STK4: variants seen among roughly 807,000 people sequenced by gnomAD.
STK4 encodes the protein serine/threonine-protein kinase 4.
A neutral mutation model predicts 64.9 loss-of-function variants in STK4; 30 were observed. That is an observed-to-expected ratio of 0.46 (90% CI 0.35 to 0.63). The LOEUF is 0.63. Ranked by LOEUF, STK4 falls within the 20% of genes least tolerant of loss-of-function variation. The pLI is 0.01. For synonymous variants in STK4, 177 were observed against 199.0 expected (o/e 0.89, Z 0.93); for missense variants, 466 against 598.5 (o/e 0.78, Z 2.31).
intron 10 of STK4, among the ~76,000 whole-genome samples, chr20:45,046,769 C>T (rs985707579): frequency 9.2e-5 from 14 of 152,090 alleles, no homozygotes; most frequent in Admixed American, 3.3e-4. Flanking sequence ...GCAACCTCCG[C>T]CTCCTGGATT....
intron 2 of STK4, chr20:44,975,206 G>A (rs1346138577): frequency 4.5e-6 from 1 of 221,894 alleles, no homozygotes; most frequent in African/African-American, 2.4e-5. Context: ...TCCATTCTCT[G>A]CTGTCAGTTG....
rs139310380 is a variant in STK4 at position 44,995,230 on chromosome 20, C to G, written c.666C>G (p.Pro222=). The change falls in exon 6 of 11, where the codon CCC becomes CCG. Residue 222 remains proline, a synonymous_variant. Coordinates refer to ENST00000372806, the MANE Select transcript of STK4 (RefSeq NM_006282.5). ...ITAIEMAEGK[P]PYADIHPMRA... The stretch of plus-strand genomic sequence containing the variant: ...CCATAGAAATGGCTGAAGGAAAGCC[C>G]CCTTATGCTGATATCCATCCAATGA... The G allele has an allele frequency of 1.2e-6, 2 of 1,613,082 alleles. No homozygotes were observed. The highest frequency in any genetic ancestry group is 2.7e-5 in the African/African-American group (2 of 74,788).
intron 5 of STK4, among the ~76,000 whole-genome samples, chr20:44,991,415 T>C (rs1191350815): frequency 6.6e-6 from 1 of 152,248 alleles, no homozygotes; most frequent in Non-Finnish European, 1.5e-5. Flanking sequence ...GAATGTATAT[T>C]GGCAAAGTGC....
At chr20:45,039,331 C>G (rs1321407936) in intron 10 of STK4, among the ~76,000 whole-genome samples, 1 of 152,058 alleles carries the variant, frequency 6.6e-6, no homozygotes, top group African/African-American at 2.4e-5. Flanking sequence ...AAAAACCCCA[C>G]ATTCCTTGAA....
rs1249687172 is a variant in STK4, at chr20:44,972,026, C to G, written c.36-52C>G. 9 of 1,522,142 alleles carry G rather than the reference C, an allele frequency of 5.9e-6. No homozygotes were observed. The East Asian group carries it at 1.6e-4, about 27-fold the overall frequency. The allele number at this position is 1,522,142 out of a possible 1,614,324, so 94.3% of individuals were successfully genotyped here. A position where few individuals can be genotyped will look rare whatever the true frequency, so the allele number is the denominator to read the frequency against. On this transcript the variant is annotated intron_variant, in intron 1 of 10. Transcript: ENST00000372806. ...ATAAAAAAAAGATATATTTTATGTT[C>G]TAGTTCCTAGCAAATAAAATGTATT...
At chr20:45,063,412 C>T (rs1979271743) in intron 10 of STK4, among the ~76,000 whole-genome samples, 3 of 152,120 alleles carry the variant, frequency 2.0e-5, no homozygotes, top group African/African-American at 7.2e-5. Context: ...CTGTTCATGT[C>T]CTCTGCCCAC....
intron 10 of STK4, among the ~76,000 whole-genome samples, chr20:45,063,456 A>G (rs1465135778): frequency 6.6e-6 from 1 of 152,108 alleles, no homozygotes; most frequent in Non-Finnish European, 1.5e-5. Flanking sequence ...TTGCTTATAA[A>G]TTCGTTTAAG....
chr20:45,008,302 G>A lies in STK4; in HGVS notation c.1147+6949G>A, dbSNP rs184220480. On this transcript the variant is annotated intron_variant, in intron 9 of 10. Transcript: ENST00000372806. Reference sequence around the variant, plus strand: ...ACTCCTGACCTCAAATGATCCACCCGCCATGGCCTCCCAAAGTGCTGGGAT... The same window carrying A: ...ACTCCTGACCTCAAATGATCCACCCACCATGGCCTCCCAAAGTGCTGGGAT... 1.4e-4 allele frequency among the ~76,000 whole-genome samples: 21 copies of A among 152,214 alleles called. No homozygotes were observed. The East Asian group carries it at 4.0e-3, about 29-fold the overall frequency.
chr20:45,049,603 C>T (rs1046799522), intron 10 of STK4, among the ~76,000 whole-genome samples: 11 of 152,156 alleles, frequency 7.2e-5, no homozygotes, highest in Non-Finnish European at 5.9e-5. Context: ...CTTCCCTTTG[C>T]CAGCTTGGTC....
At chr20:45,051,348 T>TTTC (rs895563839) in intron 10 of STK4, among the ~76,000 whole-genome samples, 3 of 152,230 alleles carry the variant, frequency 2.0e-5, no homozygotes, top group African/African-American at 7.2e-5. Context: ...GCTTTTTATT[T>TTTC]TTCTCTTTAG....
intron 6 of STK4, 115 bp from the exon 7 acceptor site, chr20:44,997,054 G>A: frequency 1.4e-6 from 2 of 1,466,228 alleles, no homozygotes; most frequent in South Asian, 2.5e-5. Flanking sequence ...GAGCTTCTCA[G>A]TGGGTAAGTG....
At chr20:45,011,921 T>G (rs2068058520) in intron 9 of STK4, among the ~76,000 whole-genome samples, 3 of 151,694 alleles carry the variant, frequency 2.0e-5, no homozygotes, top group Admixed American at 6.6e-5. Context: ...AGGTCTTTGA[T>G]CCTGTCACCT....
intron 9 of STK4, among the ~76,000 whole-genome samples, chr20:45,015,044 G>A (rs1465970443): frequency 6.6e-6 from 1 of 152,140 alleles, no homozygotes; most frequent in African/African-American, 2.4e-5. Context: ...TTAAGTTAGG[G>A]CAACTAAGAG....
intron 9 of STK4, among the ~76,000 whole-genome samples, chr20:45,011,027 G>A (rs754927293): frequency 2.6e-5 from 4 of 152,186 alleles, no homozygotes; most frequent in Non-Finnish European, 4.4e-5. Context: ...ATGTGAGAAC[G>A]AAAGAGGCAA....
chr20:45,016,416 T>G (rs1464269937), intron 9 of STK4, among the ~76,000 whole-genome samples: 1 of 152,200 alleles, frequency 6.6e-6, no homozygotes, highest in Non-Finnish European at 1.5e-5. Flanking sequence ...AGATTTACAA[T>G]AGAAGAGCAG....
chr20:44,968,608 G>A (rs984096854), intron 1 of STK4, among the ~76,000 whole-genome samples: 2 of 152,134 alleles, frequency 1.3e-5, no homozygotes, highest in Non-Finnish European at 1.5e-5. Context: ...TTCTTTCTCC[G>A]AGGCCTTGGT....
intron 10 of STK4, among the ~76,000 whole-genome samples, chr20:45,072,322 G>A (rs1165956783): frequency 2.0e-5 from 3 of 152,194 alleles, no homozygotes; most frequent in Non-Finnish European, 4.4e-5. Context: ...TGCAAAGTCA[G>A]TGCAGCTCCA....
intron 4 of STK4, among the ~76,000 whole-genome samples, chr20:44,982,758 C>T (rs2067463804): frequency 6.6e-6 from 1 of 152,056 alleles, no homozygotes; most frequent in African/African-American, 2.4e-5. Context: ...ATTTCTTGAA[C>T]ACTGTTTTAG....
At chr20:45,024,077 T>C (rs538057684) in intron 9 of STK4, among the ~76,000 whole-genome samples, 203 of 152,026 alleles carry the variant, frequency 1.3e-3, no homozygotes, top group African/African-American at 4.5e-3. Context: ...ATTTTTTGTA[T>C]TTTTAATAGA....
Sources: allele counts gnomAD v4.1 joint callset (sites outside exome capture counted in the v4.1 genomes callset), GRCh38; gene constraint gnomAD v4.1.1; transcripts MANE v1.5; gene names NCBI Gene and HGNC (gene_info 2026-07-23, HGNC 2026-07-21).